Variants in PNISR observed in about 807,000 individuals in gnomAD.
PNISR encodes arginine/serine-rich protein PNISR.
PNISR carries 20 observed loss-of-function variants against 93.4 expected under a neutral mutation model. The ratio of observed to expected loss-of-function variants is 0.21; its 90% CI spans 0.15 to 0.31. The LOEUF (loss-of-function observed/expected upper bound fraction) is 0.31, where lower values mean the gene tolerates loss of function less well. Ranked by LOEUF, PNISR falls within the 10% of genes least tolerant of loss-of-function variation. The probability of loss-of-function intolerance (pLI) is 1.00; values close to 1 mark genes in which losing one functional copy is unlikely to be tolerated. For synonymous variants in PNISR, 305 were observed against 306.5 expected, an observed-to-expected ratio of 0.99 and a Z score of 0.05; for missense variants, 893 against 985.4, an observed-to-expected ratio of 0.91 and a Z score of 1.25.
intron 11 of PNISR, 144 bp downstream of exon 11, chr6:99,402,396 C>T: frequency 1.7e-6 from 1 of 597,724 alleles, no homozygotes; most frequent in Non-Finnish European, 2.6e-6. Context: ...AACAACCAAA[C>T]AAAAATTGTG....
At chr6:99,402,781 A>C in intron 10 of PNISR, 71 bp from the exon 11 acceptor site, 1 of 1,146,994 alleles carries the variant, frequency 8.7e-7, no homozygotes, top group East Asian at 2.4e-5. Flanking sequence ...TCAAGGTCTG[A>C]GAAGAAAGTT....
intron 3 of PNISR, among the ~76,000 whole-genome samples, chr6:99,413,109 C>T (rs1311141025): frequency 6.6e-6 from 1 of 151,630 alleles, no homozygotes; most frequent in Non-Finnish European, 1.5e-5. Context: ...AAAAAATCAC[C>T]ACAAAAATAA....
chr6:99,398,455 A>G lies in PNISR; in HGVS notation c.*2085T>C, dbSNP rs747091392. ...AAATAAAGAATTCTCTAAATCTGCC[A>G]CTAAAAGTCTGAAAAACCCAAATAT... On this transcript the variant is annotated 3_prime_UTR_variant, in exon 12 of 12. Coordinates refer to ENST00000369239, the MANE Select transcript of PNISR (RefSeq NM_032870.4). 3 of 152,186 alleles carry G rather than the reference A, an allele frequency of 2.0e-5. No individual in the cohort carries two copies. The highest frequency in any genetic ancestry group is 4.4e-5 in the Non-Finnish European group (3 of 67,984). The allele number at this position is 152,186 out of a possible 1,614,324, so 9.4% of individuals were successfully genotyped here. A position where few individuals can be genotyped will look rare whatever the true frequency, so the allele number is the denominator to read the frequency against.
rs370114825 is a variant in PNISR at position 99,408,168 on chromosome 6, T to A, written c.777A>T (p.Gln259His). The change falls in exon 7 of 12, where the codon CAA (glutamine) becomes CAT (histidine). Residue 259 changes from glutamine to histidine, a missense_variant. Physicochemically the swap from Gln to His is conservative, Grantham distance 24 (BLOSUM62 0). Around this residue, in one of 3 missense-constraint regions of PNISR, gnomAD observed 866 missense variants for 935.1 expected, o/e 0.93. Coordinates refer to ENST00000369239, the MANE Select transcript of PNISR (RefSeq NM_032870.4). ...TTTCTTTTTTGGACAATTGTGAACG[T>A]TGTTGTTCCATTCTTTCTTTCTCCA... ...KKLEKERMEQ[Q>H]RSQLSKKEKK... 3.1e-6 allele frequency: 5 copies of A among 1,613,574 alleles called. No homozygotes were observed. Among genetic ancestry groups the A allele is most frequent in the Non-Finnish European group, 4.2e-6 (5 of 1,179,688 alleles).
chr6:99,407,965 CGT>C lies in PNISR; in HGVS notation c.864+114_864+115del, dbSNP rs2128483646. The C allele has an allele frequency of 1.0e-5, 7 of 702,498 alleles. 1 individual carries two copies. The South Asian group carries it at 1.5e-4, about 15-fold the overall frequency. The allele number at this position is 702,498 out of a possible 1,614,324, so 43.5% of individuals were successfully genotyped here. On this transcript the variant is annotated intron_variant, in intron 7 of 11. Coordinates refer to ENST00000369239, the MANE Select transcript of PNISR (RefSeq NM_032870.4). ...CAGAATCCTCAATATACTTAATGAA[CGT>C]AATCTTAGGAACATCACTCTAATAC...
At position 99,416,254 on chromosome 6, in the gene PNISR, G is replaced by A. The variant is rs550789700; in HGVS notation, c.-32+95C>T. 4 of 415,070 alleles carry A rather than the reference G, an allele frequency of 9.6e-6. No individual in the cohort carries two copies. In the South Asian group the frequency reaches 4.0e-4, roughly 42 times the overall value. 25.7% of individuals were successfully genotyped at this position (415,070 alleles called of 1,614,324 possible). ...CTTTAAGGCTAAATAGGTTATCAGA[G>A]CCCTTGAAAAGTAACTTCGCTTACA... On this transcript the variant is annotated intron_variant, in intron 2 of 11. Coordinates refer to ENST00000369239, the MANE Select transcript of PNISR (RefSeq NM_032870.4).
Position 99,401,610 on chromosome 6 carries a change from T to C in PNISR, c.1348A>G (p.Arg450Gly), listed in dbSNP as rs542911779. 9 of 1,543,708 alleles carry C rather than the reference T, an allele frequency of 5.8e-6. No individual in the cohort carries two copies. Among genetic ancestry groups the C allele is most frequent in the African/African-American group, 1.4e-5 (1 of 71,912 alleles). Residue 450 changes from arginine to glycine, a missense_variant, in exon 12 of 12, where the codon AGG (arginine) becomes GGG (glycine). By Grantham distance (125) the Arg-to-Gly change is moderately radical (BLOSUM62 -2). Coordinates refer to ENST00000369239, the MANE Select transcript of PNISR (RefSeq NM_032870.4). ...QMEEEKQQTE[R>G]VTKEMNEFIH... ...AATTCATTCATCTCTTTTGTAACCC[T>C]TTCTGTTTGCTGCTTTTCTTCTGAA...
rs1205010818 is a variant in PNISR at position 99,399,081 on chromosome 6, C to A, written c.*1459G>T. On this transcript the variant is annotated 3_prime_UTR_variant, in exon 12 of 12. Coordinates refer to ENST00000369239, the MANE Select transcript of PNISR (RefSeq NM_032870.4). ...TTTCTATCTTCATGTTGAGGAAACA[C>A]TGATCTTGGCAAAAATCTGGCATGA... 1 of 152,066 alleles carries A rather than the reference C, an allele frequency of 6.6e-6. No homozygotes were observed. Among genetic ancestry groups the A allele is most frequent in the Non-Finnish European group, 1.5e-5 (1 of 67,946 alleles). 9.4% of individuals were successfully genotyped at this position (152,066 alleles called of 1,614,324 possible).
At chr6:99,417,992 G>C (rs1013084200) in intron 1 of PNISR, among the ~76,000 whole-genome samples, 1 of 144,298 alleles carries the variant, frequency 6.9e-6, no homozygotes, top group South Asian at 2.2e-4. Flanking sequence ...AAAAAAAAGT[G>C]ATCAAGCCAA....
rs200011371 is a variant in PNISR at position 99,402,635 on chromosome 6, T to G, written c.1232A>C (p.Asp411Ala). The change falls in exon 11 of 12, where the codon GAT becomes GCT. Residue 411 changes from aspartate (D) to alanine (A), a missense_variant. Around this residue, in one of 3 missense-constraint regions of PNISR, gnomAD observed 866 missense variants for 935.1 expected, o/e 0.93. Coordinates refer to ENST00000369239, the MANE Select transcript of PNISR (RefSeq NM_032870.4). ...SDRGSESSDTDDEELRHRIRQ... is the reference protein window; with the variant it reads ...SDRGSESSDTADEELRHRIRQ... ...GATTCGATGCCGTAATTCTTCATCA[T>G]CAGTGTCAGATGACTCAGATCCTCT... 1.9e-6 allele frequency: 3 copies of G among 1,613,724 alleles called. No homozygotes were observed. The highest frequency in any genetic ancestry group is 2.5e-6 in the Non-Finnish European group (3 of 1,179,686).
In PNISR at chr6:99,414,684, T is replaced by A; in HGVS notation, c.-25A>T. 1 of 1,451,036 alleles carries A rather than the reference T, an allele frequency of 6.9e-7. No individual in the cohort carries two copies. The allele number at this position is 1,451,036 out of a possible 1,614,324, so 89.9% of individuals were successfully genotyped here. The stretch of plus-strand genomic sequence containing the variant: ...TCCCTTCTTTTAAAATATACTTGAT[T>A]TTCTATCTTCAATAAATTAAACATA... On this transcript the variant is annotated 5_prime_UTR_variant, in exon 3 of 12. Transcript: ENST00000369239.
chr6:99,418,126 T>C (rs752598899), intron 1 of PNISR, among the ~76,000 whole-genome samples: 5 of 152,008 alleles, frequency 3.3e-5, no homozygotes, highest in African/African-American at 4.8e-5. Context: ...TTGAAACTTT[T>C]ATTGTTATTA....
chr6:99,419,456 G>A (rs1236512006), intron 1 of PNISR, among the ~76,000 whole-genome samples: 2 of 151,970 alleles, frequency 1.3e-5, no homozygotes, highest in African/African-American at 2.4e-5. Flanking sequence ...ATGTATTACC[G>A]TACAAACTGC....
At chr6:99,424,933 G>A (rs1008587713) in intron 1 of PNISR, 1 of 291,408 alleles carries the variant, frequency 3.4e-6, no homozygotes, top group Non-Finnish European at 6.3e-6. Flanking sequence ...TTTAACGGCC[G>A]GTCAGGAACC....
intron 7 of PNISR, among the ~76,000 whole-genome samples, 187 bp from the exon 8 acceptor site, chr6:99,406,355 T>C (rs1211153907): frequency 1.3e-5 from 2 of 152,186 alleles, no homozygotes; most frequent in Non-Finnish European, 2.9e-5. Context: ...CTGGGAAAAA[T>C]GTAAGATTAC....
chr6:99,420,612 C>T (rs1254978541), intron 1 of PNISR, among the ~76,000 whole-genome samples: 1 of 152,146 alleles, frequency 6.6e-6, no homozygotes. Context: ...TACACAGGCA[C>T]AACACACAGT....
intron 8 of PNISR, among the ~76,000 whole-genome samples, chr6:99,405,049 G>A (rs529357944): frequency 6.6e-6 from 1 of 152,168 alleles, no homozygotes; most frequent in Admixed American, 6.5e-5. Context: ...AAAGCACTGG[G>A]ATTACAGGCG....
At chr6:99,417,979 A>G (rs1182231892) in intron 1 of PNISR, among the ~76,000 whole-genome samples, 4 of 151,724 alleles carry the variant, frequency 2.6e-5, no homozygotes, top group African/African-American at 9.7e-5. Context: ...AAAAAAAAAA[A>G]AAAAAAAAAA....
Position 99,409,651 on chromosome 6 carries a change from T to C in PNISR, c.502-307A>G, listed in dbSNP as rs886443323. On this transcript the variant is annotated intron_variant, in intron 5 of 11. Coordinates refer to ENST00000369239, the MANE Select transcript of PNISR (RefSeq NM_032870.4). Reference sequence around the variant, plus strand: ...ATCCTACCAACACTAAGACATCAAATAGATACTAATTTCTCTTTAACTAGA... The same window carrying C: ...ATCCTACCAACACTAAGACATCAAACAGATACTAATTTCTCTTTAACTAGA... 2.0e-4 allele frequency: 42 copies of C among 209,228 alleles called. 1 individual carries two copies. The South Asian group carries it at 2.4e-3, about 12-fold the overall frequency. 13.0% of individuals were successfully genotyped at this position (209,228 alleles called of 1,614,324 possible).
Sources: allele counts gnomAD v4.1 joint callset (sites outside exome capture counted in the v4.1 genomes callset), GRCh38; gene constraint gnomAD v4.1.1; regional missense constraint gnomAD v4.1.1; transcripts MANE v1.5; gene names NCBI Gene and HGNC (gene_info 2026-07-23, HGNC 2026-07-21).